The following ROCK2 variants were observed in gnomAD, a reference collection of about 807,000 sequenced individuals.
ROCK2 encodes Rho associated coiled-coil containing protein kinase 2.
Under a neutral mutation model 195.1 loss-of-function variants are expected in ROCK2, and 61 were observed. The ratio of observed to expected loss-of-function variants is 0.31; its 90% CI spans 0.25 to 0.39. The LOEUF (loss-of-function observed/expected upper bound fraction) is 0.39. Ranked by LOEUF, ROCK2 falls within the 10% of genes least tolerant of loss-of-function variation. The pLI is 1.00. For missense variants in ROCK2, 1,109 were observed against 1,637.4 expected (o/e 0.68, Z 5.57); for synonymous variants, 504 against 545.5 (o/e 0.92, Z 1.06).
intron 1 of ROCK2, among the ~76,000 whole-genome samples, chr2:11,302,307 TG>T (rs142744267): frequency 0.042 from 6,425 of 151,706 alleles, 276 homozygotes; most frequent in Non-Finnish European, 0.06. Context: ...TGGGGTGGGG[TG>T]TTTTTTTGTT....
intron 1 of ROCK2, among the ~76,000 whole-genome samples, chr2:11,335,146 CACAG>C (rs1191830734): frequency 6.8e-6 from 1 of 146,446 alleles, no homozygotes; most frequent in Non-Finnish European, 1.5e-5. Context: ...CACACACACA[CACAG>C]ACACACACAC....
chr2:11,238,245 T>TGTGTGTGTGTGTC (rs11377542), intron 4 of ROCK2, among the ~76,000 whole-genome samples: 34 of 38,418 alleles, frequency 8.9e-4, no homozygotes, highest in African/African-American at 2.4e-3. Flanking sequence ...TGTGTGTCTG[T>TGTGTGTGTGTGTC]TGTGTGTGTC....
chr2:11,334,772 T>G (rs1668873681), intron 1 of ROCK2, among the ~76,000 whole-genome samples: 1 of 150,724 alleles, frequency 6.6e-6, no homozygotes. Flanking sequence ...ACTTCGCTAA[T>G]TCATTTCCAT....
rs564024874 is a variant in ROCK2, at chr2:11,307,338, G to A, written c.142-19602C>T. ...CTTTTTGTTTATTTGTTTCTGAGAC[G>A]GAGTCTCACTCTGTCACCAGGCTGG... is the stretch of plus-strand genomic sequence containing the variant. On this transcript the variant is annotated intron_variant, in intron 1 of 32. Transcript: ENST00000315872. Among the ~76,000 whole-genome samples the A allele has an allele frequency of 3.3e-5, 5 of 152,224 alleles. No homozygotes were observed. The East Asian group carries it at 5.8e-4, about 18-fold the overall frequency.
intron 3 of ROCK2, among the ~76,000 whole-genome samples, chr2:11,264,652 T>C (rs1471637133): frequency 1.3e-5 from 2 of 152,146 alleles, no homozygotes; most frequent in African/African-American, 4.8e-5. Context: ...AATTTGAGCA[T>C]TGCCATTATA....
chr2:11,211,857 A>G lies in ROCK2; in HGVS notation c.2044-17T>C, dbSNP rs199722817. The G allele has an allele frequency of 1.6e-5, 25 of 1,549,650 alleles. No homozygotes were observed. Among genetic ancestry groups the G allele is most frequent in the Non-Finnish European group, 2.0e-5 (23 of 1,151,288 alleles). ...GCTTTTTTCCTATTAAATATTTAAA[A>G]TGCAGCTATCAACAAAAAAGAGACT... On this transcript the variant is annotated splice_polypyrimidine_tract_variant and intron_variant, in intron 17 of 32. Coordinates refer to ENST00000315872, the MANE Select transcript of ROCK2 (RefSeq NM_004850.5).
In ROCK2 at chr2:11,258,248, G is replaced by A. The variant is rs1208664798; in HGVS notation, c.325-8450C>T. ...TGCATGAGTGAATAAGTGACTGACT[G>A]AATGAATAAATTCGAATTCCAAATA... On this transcript the variant is annotated intron_variant, in intron 3 of 32. Transcript: ENST00000315872. Among the ~76,000 whole-genome samples the A allele has an allele frequency of 1.3e-5, 2 of 151,322 alleles. 1 individual carries two copies. The highest frequency in any genetic ancestry group is 4.9e-5 in the African/African-American group (2 of 40,628).
rs539633178 is a variant in ROCK2, at chr2:11,227,455, A to G, written c.724-57T>C. ...GTTCAGTGTAAAAACACACACTTAT[A>G]AATGCAATGAATCCATTTATTACTA... On this transcript the variant is annotated intron_variant, in intron 5 of 32. Coordinates refer to ENST00000315872, the MANE Select transcript of ROCK2 (RefSeq NM_004850.5). 48 of 1,481,490 alleles carry G rather than the reference A, an allele frequency of 3.2e-5. No individual in the cohort carries two copies. The East Asian group carries it at 1.1e-3, about 32-fold the overall frequency. 91.8% of individuals were successfully genotyped at this position (1,481,490 alleles called of 1,614,324 possible). A position where few individuals can be genotyped will look rare whatever the true frequency, so the allele number is the denominator to read the frequency against.
At chr2:11,243,523 T>A (rs781570308) in intron 4 of ROCK2, among the ~76,000 whole-genome samples, 8 of 152,174 alleles carry the variant, frequency 5.3e-5, no homozygotes, top group Non-Finnish European at 1.2e-4. Context: ...TATTAGTATG[T>A]ACTCCTGATA....
chr2:11,325,641 G>T (rs1208318493), intron 1 of ROCK2, among the ~76,000 whole-genome samples: 1 of 152,066 alleles, frequency 6.6e-6, no homozygotes, highest in Non-Finnish European at 1.5e-5. Flanking sequence ...CAATTTTGTG[G>T]GAAATAATTA....
intron 13 of ROCK2, among the ~76,000 whole-genome samples, chr2:11,215,847 T>C (rs1042933223): frequency 3.3e-5 from 5 of 152,236 alleles, no homozygotes; most frequent in Admixed American, 2.6e-4. Flanking sequence ...TTTTGTTTAC[T>C]ATTCAAACTT....
chr2:11,248,780 A>C (rs890812404), intron 4 of ROCK2, among the ~76,000 whole-genome samples: 4 of 150,372 alleles, frequency 2.7e-5, no homozygotes, highest in Admixed American at 2.7e-4. Context: ...TCCTTAACCC[A>C]CAGTCAAATA....
upstream of ROCK2, among the ~76,000 whole-genome samples, chr2:11,344,940 CG>C: frequency 1.7e-5 from 1 of 59,324 alleles, no homozygotes; most frequent in Admixed American, 2.8e-4. This position sits in a 1 kb window ranked among gnomAD's most constrained non-coding sequence, Gnocchi z 5.4. Flanking sequence ...CTGCCCCTCC[CG>C]CCGGACCCCG....
At chr2:11,221,427 A>G in intron 8 of ROCK2, 70 bp from the exon 9 acceptor site, 1 of 1,123,394 alleles carries the variant, frequency 8.9e-7, no homozygotes, top group Non-Finnish European at 1.2e-6. Context: ...TTTTATTATG[A>G]TGTATTATTT....
At chr2:11,287,773 C>T in intron 1 of ROCK2, 37 bp from the exon 2 acceptor site, 1 of 864,212 alleles carries the variant, frequency 1.2e-6, no homozygotes, top group African/African-American at 1.7e-5. Context: ...ACAGTTTTTA[C>T]AATTTCCAAG....
At chr2:11,191,982 G>A (rs1572221303) in intron 32 of ROCK2, among the ~76,000 whole-genome samples, 166 bp downstream of exon 32, 1 of 152,070 alleles carries the variant, frequency 6.6e-6, no homozygotes, top group Non-Finnish European at 1.5e-5. Flanking sequence ...CATCTGAATC[G>A]ATGAACATGA....
At chr2:11,207,419 A>AGG (rs1664092073) in intron 20 of ROCK2, among the ~76,000 whole-genome samples, 3 of 152,234 alleles carry the variant, frequency 2.0e-5, no homozygotes, top group African/African-American at 7.2e-5. Context: ...ACGGACAATA[A>AGG]GCTTGAGAAA....
intron 3 of ROCK2, among the ~76,000 whole-genome samples, chr2:11,268,330 G>A (rs912984664): frequency 2.0e-5 from 3 of 152,136 alleles, no homozygotes; most frequent in Non-Finnish European, 4.4e-5. Context: ...ATATCCAAGA[G>A]CTCAACCAGA....
Position 11,182,676 on chromosome 2 carries a change from T to C in ROCK2, c.*761A>G, listed in dbSNP as rs1482846796. On this transcript the variant is annotated 3_prime_UTR_variant, in exon 33 of 33. Transcript: ENST00000315872. ...TTTTAATACAGACAGGGCTGAGACT[T>C]TGAAAAAAATTAAATTAAGGCATTC... The C allele has an allele frequency of 6.6e-6, 1 of 152,576 alleles. No individual in the cohort carries two copies. Among genetic ancestry groups the C allele is most frequent in the Non-Finnish European group, 1.5e-5 (1 of 68,028 alleles). The allele number at this position is 152,576 out of a possible 1,614,324, so 9.5% of individuals were successfully genotyped here. A position where few individuals can be genotyped will look rare whatever the true frequency, so the allele number is the denominator to read the frequency against.
Sources: allele counts gnomAD v4.1 joint callset (sites outside exome capture counted in the v4.1 genomes callset), GRCh38; gene constraint gnomAD v4.1.1; non-coding constraint Gnocchi (gnomAD v3.1); transcripts MANE v1.5; gene names NCBI Gene and HGNC (gene_info 2026-07-23, HGNC 2026-07-21).